The following COL4A3 variants were observed in gnomAD, a reference collection of about 807,000 sequenced individuals.
The protein encoded by COL4A3 is collagen alpha-3(IV) chain.
COL4A3 carries 135 observed loss-of-function variants against 217.4 expected under a neutral mutation model. The observed-to-expected ratio is 0.62, with a 90% confidence interval of 0.54 to 0.72. COL4A3 has a LOEUF of 0.72. Ranked by LOEUF, COL4A3 falls within the 30% of genes least tolerant of loss-of-function variation. The pLI is 0.00. For missense variants in COL4A3, 1,868 were observed against 2,119.9 expected (o/e 0.88, Z 2.33); for synonymous variants, 690 against 736.3 (o/e 0.94, Z 1.02).
intron 37 of COL4A3, among the ~76,000 whole-genome samples, chr2:227,292,956 G>T (rs1475799847): frequency 1.3e-5 from 2 of 152,152 alleles, no homozygotes; most frequent in Admixed American, 1.3e-4. Flanking sequence ...CTATGCTGTT[G>T]CTGTCTTGAA....
chr2:227,182,460 C>A (rs2065892067), intron 1 of COL4A3, among the ~76,000 whole-genome samples: 1 of 152,176 alleles, frequency 6.6e-6, no homozygotes, highest in Non-Finnish European at 1.5e-5. Flanking sequence ...TCATCCCATC[C>A]CCTCCTGATT....
intron 9 of COL4A3, among the ~76,000 whole-genome samples, chr2:227,249,383 G>A (rs866698958): frequency 1.3e-5 from 2 of 149,330 alleles, no homozygotes; most frequent in African/African-American, 4.9e-5. Context: ...CTACACGCAT[G>A]GGCCACCATG....
At chr2:227,190,954 A>G (rs937831783) in intron 1 of COL4A3, among the ~76,000 whole-genome samples, 1 of 152,212 alleles carries the variant, frequency 6.6e-6, no homozygotes, top group African/African-American at 2.4e-5. Flanking sequence ...AAAGCAAATC[A>G]TAGTTTACTA....
intron 1 of COL4A3, among the ~76,000 whole-genome samples, chr2:227,176,354 T>G (rs16823283): frequency 0.026 from 3,944 of 152,296 alleles, 158 homozygotes; most frequent in African/African-American, 0.085. Context: ...ATGATATGAG[T>G]GTGTACATAT....
chr2:227,203,318 T>C (rs1225490956), intron 1 of COL4A3, among the ~76,000 whole-genome samples: 2 of 79,244 alleles, frequency 2.5e-5, no homozygotes, highest in Non-Finnish European at 4.9e-5. Flanking sequence ...TATATATACA[T>C]ATATGTGTAT....
chr2:227,203,817 T>C (rs775065913), intron 1 of COL4A3, among the ~76,000 whole-genome samples: 1 of 151,254 alleles, frequency 6.6e-6, no homozygotes, highest in Non-Finnish European at 1.5e-5. Context: ...AGCAAAGTCA[T>C]TTATTATCTC....
Position 227,311,927 on chromosome 2 carries a change from G to T in COL4A3, c.*57G>T. On this transcript the variant is annotated 3_prime_UTR_variant, in exon 52 of 52. Coordinates refer to ENST00000396578, the MANE Select transcript of COL4A3 (RefSeq NM_000091.5). ...CATCCTAAAGAACAAAGTAATGACAGAACATGCTGTTATTTAGGTATTTTT... is the reference window on the plus strand; with the variant it reads ...CATCCTAAAGAACAAAGTAATGACATAACATGCTGTTATTTAGGTATTTTT... 1 of 1,606,442 alleles carries T rather than the reference G, an allele frequency of 6.2e-7. No homozygotes were observed. The highest frequency in any genetic ancestry group is 1.1e-5 in the South Asian group (1 of 90,124).
At chr2:227,286,108 A>G (rs1213437950) in intron 34 of COL4A3, among the ~76,000 whole-genome samples, 1 of 152,208 alleles carries the variant, frequency 6.6e-6, no homozygotes, top group Admixed American at 6.5e-5. Context: ...TTAGCATGCT[A>G]TATTATTTAA....
chr2:227,174,810 C>T (rs892768631), intron 1 of COL4A3, among the ~76,000 whole-genome samples: 9 of 152,198 alleles, frequency 5.9e-5, no homozygotes, highest in South Asian at 2.1e-4. Context: ...CCCGGCCTAG[C>T]GACTATTATT....
chr2:227,306,666 T>A lies in COL4A3; in HGVS notation c.4253-1044T>A, dbSNP rs566619537. Among the ~76,000 whole-genome samples the A allele has an allele frequency of 2.6e-5, 4 of 152,170 alleles. No homozygotes were observed. The South Asian group carries it at 8.3e-4, about 32-fold the overall frequency. On this transcript the variant is annotated intron_variant, in intron 47 of 51. Coordinates refer to ENST00000396578, the MANE Select transcript of COL4A3 (RefSeq NM_000091.5). ...ATTCAGAGAAAATTGAAAAAATGCATAATATTGGGGCTTTTACAAATTTCT... is the reference window on the plus strand; with the variant it reads ...ATTCAGAGAAAATTGAAAAAATGCAAAATATTGGGGCTTTTACAAATTTCT...
At chr2:227,227,538 A>T (rs971053484) in intron 1 of COL4A3, among the ~76,000 whole-genome samples, 2 of 151,868 alleles carry the variant, frequency 1.3e-5, no homozygotes, top group African/African-American at 4.8e-5. Context: ...AAAAAAAAAA[A>T]GAAGAAGAAG....
chr2:227,284,536 C>A (rs140266524), intron 34 of COL4A3, among the ~76,000 whole-genome samples, 191 bp downstream of exon 34: 2 of 152,104 alleles, frequency 1.3e-5, no homozygotes, highest in Non-Finnish European at 2.9e-5. Context: ...GTTGCCTCCT[C>A]GATGTGTAAC....
intron 1 of COL4A3, among the ~76,000 whole-genome samples, chr2:227,197,112 G>C (rs536625001): frequency 8.2e-4 from 125 of 152,316 alleles, no homozygotes; most frequent in Middle Eastern, 6.8e-3. Context: ...CGCCATGATT[G>C]TGAGGCCTCC....
At chr2:227,271,261 T>G (rs76505522) in intron 25 of COL4A3, among the ~76,000 whole-genome samples, 5 of 152,210 alleles carry the variant, frequency 3.3e-5, no homozygotes, top group East Asian at 3.9e-4. Flanking sequence ...AAATGATGTA[T>G]AGTAGAAAGT....
intron 1 of COL4A3, among the ~76,000 whole-genome samples, chr2:227,188,049 G>A (rs1440559087): frequency 2.7e-5 from 4 of 150,746 alleles, no homozygotes; most frequent in African/African-American, 9.7e-5. Flanking sequence ...TTGTTTTTAT[G>A]AGGGCTAGAA....
At chr2:227,295,736 C>A (rs2072999939) in intron 41 of COL4A3, among the ~76,000 whole-genome samples, 1 of 152,152 alleles carries the variant, frequency 6.6e-6, no homozygotes. Context: ...CTCCAACCCC[C>A]AGATCCAGCT....
At chr2:227,179,723 G>T (rs544379044) in intron 1 of COL4A3, among the ~76,000 whole-genome samples, 21 of 152,164 alleles carry the variant, frequency 1.4e-4, no homozygotes, top group Non-Finnish European at 2.4e-4. Context: ...AGTGCTACAC[G>T]CTGGGAACAA....
At chr2:227,189,556 T>C (rs1377887338) in intron 1 of COL4A3, among the ~76,000 whole-genome samples, 1 of 152,214 alleles carries the variant, frequency 6.6e-6, no homozygotes, top group Admixed American at 6.5e-5. Context: ...GCTACATTCG[T>C]GTTACAAGTT....
chr2:227,280,789 A>G (rs2071907843), intron 30 of COL4A3, 104 bp from the exon 31 acceptor site: 4 of 1,042,272 alleles, frequency 3.8e-6, no homozygotes, highest in Non-Finnish European at 4.4e-6. Context: ...GTAAATATAG[A>G]TCTGATTTAG....
Sources: gnomAD v4.1 joint callset for allele counts (sites outside exome capture counted in the v4.1 genomes callset) on GRCh38, gnomAD v4.1.1 for gene constraint, MANE v1.5 for transcripts, NCBI Gene and HGNC (gene_info 2026-07-23, HGNC 2026-07-21) for gene names.